The following BCL11B variants were observed in gnomAD, a reference collection of about 807,000 sequenced individuals.
The protein encoded by BCL11B is BCL11 transcription factor B.
BCL11B carries 8 observed loss-of-function variants against 49.9 expected under a neutral mutation model. That is an observed-to-expected ratio of 0.16 (90% CI 0.09 to 0.29). The LOEUF (loss-of-function observed/expected upper bound fraction) is 0.29. Ranked by LOEUF, BCL11B falls within the 10% of genes least tolerant of loss-of-function variation. The pLI is 1.00. For missense variants in BCL11B, 1,006 were observed against 1,351.0 expected, an observed-to-expected ratio of 0.74 and a Z score of 4.00; for synonymous variants, 739 against 637.4, an observed-to-expected ratio of 1.16 and a Z score of -2.40.
intron 1 of BCL11B, among the ~76,000 whole-genome samples, chr14:99,266,742 T>C (rs952766482): frequency 6.6e-6 from 1 of 152,240 alleles, no homozygotes; most frequent in African/African-American, 2.4e-5. Context: ...TCCCCCTAGC[T>C]GCCAAGTGGC....
Position 99,170,281 on chromosome 14 carries a change from G to A in BCL11B, c.*3870C>T, listed in dbSNP as rs1886246209. On this transcript the variant is annotated 3_prime_UTR_variant, in exon 4 of 4. Transcript: ENST00000357195. ...CCCCCCTTTTTTTTAACTTTGCAAAGGTAAGTGGCAAGGAGGAAAGAGTGC... is the reference window on the plus strand; with the variant it reads ...CCCCCCTTTTTTTTAACTTTGCAAAAGTAAGTGGCAAGGAGGAAAGAGTGC... 9.1e-6 allele frequency: 2 copies of A among 220,940 alleles called. No homozygotes were observed. The allele number at this position is 220,940 out of a possible 1,614,324, so 13.7% of individuals were successfully genotyped here.
chr14:99,252,519 C>CA (rs1196597951), intron 2 of BCL11B, among the ~76,000 whole-genome samples: 3 of 152,326 alleles, frequency 2.0e-5, no homozygotes, highest in Non-Finnish European at 4.4e-5. Flanking sequence ...AGCAATGGGT[C>CA]ACTGGGGCCC....
intron 3 of BCL11B, among the ~76,000 whole-genome samples, chr14:99,203,619 G>A (rs180755325): frequency 2.6e-5 from 4 of 152,246 alleles, no homozygotes; most frequent in Admixed American, 1.3e-4. Context: ...CTACTCACAA[G>A]GAGTTCATTC....
Position 99,248,303 on chromosome 14 carries a change from C to T in BCL11B, c.427+9168G>A, listed in dbSNP as rs1348873130. 6.6e-6 allele frequency among the ~76,000 whole-genome samples: 1 copy of T among 152,124 alleles called. No individual in the cohort carries two copies. ...ACAAAATAAAATGAAGCCTCGGGTG[C>T]CTTGCCTTCTCCAGCAAGGCCTCTT... On this transcript the variant is annotated intron_variant, in intron 2 of 3. Transcript: ENST00000357195. This position sits in a 1 kb window ranked among gnomAD's most constrained non-coding sequence, Gnocchi z 4.7.
At position 99,257,538 on chromosome 14, in the gene BCL11B, G is replaced by A; in HGVS notation, c.360C>T (p.Thr120=). The part of the protein sequence containing the change: ...SEPVEIGIQV[T]PDEDDHLLSP... Reference sequence around the variant, plus strand: ...AGAGCAGGTGGTCATCTTCGTCGGGGGTGACTTGGATCCCGATCTCCACCG... The same window carrying A: ...AGAGCAGGTGGTCATCTTCGTCGGGAGTGACTTGGATCCCGATCTCCACCG... The change falls in exon 2 of 4, where the codon ACC becomes ACT. Residue 120 remains threonine (T), a synonymous_variant. Transcript: ENST00000357195. The surrounding 1 kb of genome is among the most constrained non-coding windows in gnomAD (Gnocchi z 6.2). 1 of 1,613,922 alleles carries A rather than the reference G, an allele frequency of 6.2e-7. No homozygotes were observed. Among genetic ancestry groups the A allele is most frequent in the Non-Finnish European group, 8.5e-7 (1 of 1,179,896 alleles).
Position 99,171,872 on chromosome 14 carries a change from T to C in BCL11B, c.*2279A>G, listed in dbSNP as rs1886301183. The C allele has an allele frequency of 4.9e-6, 1 of 204,200 alleles. No individual in the cohort carries two copies. The highest frequency in any genetic ancestry group is 1.0e-5 in the Non-Finnish European group (1 of 99,626). The allele number at this position is 204,200 out of a possible 1,614,324, so 12.6% of individuals were successfully genotyped here. ...GGAAAAGAAAAGGGTATTTTTTTTC[T>C]TGTTTTGTAAAATGCCCAGGCATTC... is the stretch of plus-strand genomic sequence containing the variant. On this transcript the variant is annotated 3_prime_UTR_variant, in exon 4 of 4. Coordinates refer to ENST00000357195, the MANE Select transcript of BCL11B (RefSeq NM_138576.4).
intron 3 of BCL11B, among the ~76,000 whole-genome samples, chr14:99,179,310 C>T (rs1461628137): frequency 4.0e-5 from 6 of 151,892 alleles, no homozygotes; most frequent in African/African-American, 1.5e-4. Context: ...CCCATCTCTG[C>T]TAAAAATACA....
intron 1 of BCL11B, among the ~76,000 whole-genome samples, chr14:99,270,085 G>A (rs1258587562): frequency 6.6e-6 from 1 of 151,746 alleles, no homozygotes; most frequent in Non-Finnish European, 1.5e-5. Context: ...TGGCCCGCTC[G>A]CGCTCGCTTT....
chr14:99,178,384 C>T (rs937635255), intron 3 of BCL11B, among the ~76,000 whole-genome samples: 2 of 152,194 alleles, frequency 1.3e-5, no homozygotes, highest in African/African-American at 4.8e-5. Flanking sequence ...TAACTCAGTT[C>T]TCCCATGAAA....
intron 3 of BCL11B, among the ~76,000 whole-genome samples, chr14:99,199,697 CACGTGCACGTGTGT>C (rs1444426107): frequency 5.2e-5 from 3 of 57,342 alleles, no homozygotes; most frequent in African/African-American, 1.3e-4. Context: ...CGCGCGCGCG[CACGTGCACGTGTGT>C]GCGTGTGTGC....
intron 3 of BCL11B, among the ~76,000 whole-genome samples, chr14:99,196,793 A>G (rs1191475470): frequency 6.6e-6 from 1 of 152,190 alleles, no homozygotes; most frequent in Non-Finnish European, 1.5e-5. Flanking sequence ...CGCTCAAAAA[A>G]TCCAAATGCT....
chr14:99,222,121 A>AC (rs1442975012), intron 3 of BCL11B, among the ~76,000 whole-genome samples: 4 of 152,182 alleles, frequency 2.6e-5, no homozygotes, highest in Non-Finnish European at 5.9e-5. Context: ...TATACACAGA[A>AC]CACAGCCCCT....
chr14:99,219,671 TAAGTCACACTCAA>T (rs1189425039), intron 3 of BCL11B, among the ~76,000 whole-genome samples: 1 of 152,020 alleles, frequency 6.6e-6, no homozygotes, highest in Non-Finnish European at 1.5e-5. Context: ...CTCCTTCTGC[TAAGTCACACTCAA>T]ATCAACACCC....
intron 1 of BCL11B, among the ~76,000 whole-genome samples, chr14:99,268,717 A>G (rs763875830): frequency 1.3e-5 from 2 of 152,098 alleles, no homozygotes; most frequent in Admixed American, 1.3e-4. Flanking sequence ...AACTGGTTGG[A>G]CCACTCTCCT....
intron 3 of BCL11B, among the ~76,000 whole-genome samples, chr14:99,183,621 C>T (rs1595224159): frequency 6.6e-6 from 1 of 152,190 alleles, no homozygotes; most frequent in Admixed American, 6.5e-5. Flanking sequence ...CTTCCTGGGT[C>T]GTTCGCTGTA....
chr14:99,176,203 A>T lies in BCL11B; in HGVS notation c.641-8T>A. 6.2e-7 allele frequency: 1 copy of T among 1,609,236 alleles called. No individual in the cohort carries two copies. The highest frequency in any genetic ancestry group is 8.5e-7 in the Non-Finnish European group (1 of 1,177,968). ...TGGAAGGCTCATCTTTACCTGGGGA[A>T]ACACACGGACAGAAAGGCAGAGACA... On this transcript the variant is annotated splice_region_variant and splice_polypyrimidine_tract_variant and intron_variant, in intron 3 of 3. Transcript: ENST00000357195.
At chr14:99,265,708 A>G (rs1367557677) in intron 1 of BCL11B, among the ~76,000 whole-genome samples, 2 of 152,212 alleles carry the variant, frequency 1.3e-5, no homozygotes, top group Admixed American at 6.5e-5. Context: ...GCTCGATTCA[A>G]ACATTAAATG....
chr14:99,178,895 C>T (rs551338001), intron 3 of BCL11B, among the ~76,000 whole-genome samples: 73 of 152,280 alleles, frequency 4.8e-4, no homozygotes, highest in African/African-American at 1.7e-3. Flanking sequence ...CTCCCTTCCC[C>T]CAATCTCTTT....
chr14:99,225,000 C>T (rs1403705724), intron 3 of BCL11B, among the ~76,000 whole-genome samples: 2 of 152,182 alleles, frequency 1.3e-5, no homozygotes, highest in Non-Finnish European at 2.9e-5. Context: ...TGGGCTCCCA[C>T]TGCAGATAGC....
Sources: gnomAD v4.1 joint callset for allele counts (sites outside exome capture counted in the v4.1 genomes callset) on GRCh38, gnomAD v4.1.1 for gene constraint, Gnocchi (gnomAD v3.1) non-coding constraint, MANE v1.5 for transcripts, NCBI Gene and HGNC (gene_info 2026-07-23, HGNC 2026-07-21) for gene names.